Variants in RNF13 observed in about 807,000 individuals in gnomAD.
RNF13 encodes the protein ring finger protein 13, also known as E3 ubiquitin-protein ligase RNF13.
Under a neutral mutation model 37.7 loss-of-function variants are expected in RNF13, and 19 were observed. That is an observed-to-expected ratio of 0.50 (90% CI 0.35 to 0.74). The LOEUF (loss-of-function observed/expected upper bound fraction) is 0.74. Among genes scored for constraint, RNF13 ranks in the 30% least tolerant of loss-of-function variants. The pLI is 0.01. For missense variants in RNF13, 375 were observed against 453.0 expected (o/e 0.83, Z 1.56); for synonymous variants, 144 against 157.8 (o/e 0.91, Z 0.65).
intron 8 of RNF13, among the ~76,000 whole-genome samples, chr3:149,935,414 G>A (rs192984528): frequency 7.2e-4 from 110 of 152,000 alleles, no homozygotes; most frequent in Non-Finnish European, 1.3e-3. Context: ...TCATTTTGTT[G>A]TTTGTTTTCT....
intron 1 of RNF13, among the ~76,000 whole-genome samples, chr3:149,835,755 A>G (rs566446168): frequency 1.2e-4 from 18 of 151,070 alleles, no homozygotes; most frequent in African/African-American, 4.1e-4. Context: ...TATTTTTGCA[A>G]TTGTGAATTG....
At chr3:149,831,997 C>T (rs569219887) in intron 1 of RNF13, among the ~76,000 whole-genome samples, 2 of 151,972 alleles carry the variant, frequency 1.3e-5, no homozygotes, top group Non-Finnish European at 2.9e-5. Flanking sequence ...GTGTGACTGG[C>T]TATTATAAAT....
intron 1 of RNF13, among the ~76,000 whole-genome samples, chr3:149,833,018 T>C (rs1254881905): frequency 6.6e-6 from 1 of 151,900 alleles, no homozygotes; most frequent in East Asian, 1.9e-4. Flanking sequence ...CCTCCTAACT[T>C]ATTCTAAGGG....
At chr3:149,851,303 G>T (rs1268097804) in intron 2 of RNF13, 2 of 152,214 alleles carry the variant, frequency 1.3e-5, no homozygotes, top group African/African-American at 4.8e-5. Context: ...CAGATGAAAG[G>T]TGTCTAGATC....
At chr3:149,848,049 A>G (rs572004228) in intron 2 of RNF13, among the ~76,000 whole-genome samples, 3 of 152,180 alleles carry the variant, frequency 2.0e-5, no homozygotes, top group Non-Finnish European at 4.4e-5. Context: ...GTGGTGATTA[A>G]ATAAGATAAA....
intron 1 of RNF13, among the ~76,000 whole-genome samples, chr3:149,842,000 A>G (rs1169464741): frequency 6.6e-6 from 1 of 152,056 alleles, no homozygotes; most frequent in Non-Finnish European, 1.5e-5. Context: ...CTGTTGACCA[A>G]TGCCTTACTT....
intron 8 of RNF13, among the ~76,000 whole-genome samples, chr3:149,940,403 T>C (rs944057073): frequency 6.6e-6 from 1 of 152,210 alleles, no homozygotes; most frequent in Non-Finnish European, 1.5e-5. Context: ...TAATTGAATA[T>C]ATTATTGCTG....
intron 2 of RNF13, among the ~76,000 whole-genome samples, chr3:149,849,388 G>A (rs1315883158): frequency 6.6e-6 from 1 of 152,196 alleles, no homozygotes; most frequent in African/African-American, 2.4e-5. Context: ...CCAGTGTGCT[G>A]TGTAGCAAAG....
chr3:149,924,430 A>G (rs2108543771), intron 8 of RNF13, among the ~76,000 whole-genome samples: 1 of 152,318 alleles, frequency 6.6e-6, no homozygotes, highest in South Asian at 2.1e-4. Flanking sequence ...GCATTCCATC[A>G]TTCAGTAGAA....
chr3:149,867,358 C>T (rs1018672681), intron 3 of RNF13, among the ~76,000 whole-genome samples: 1,692 of 150,482 alleles, frequency 0.011, 13 homozygotes, highest in Non-Finnish European at 0.017. Flanking sequence ...CTCCGCCTCC[C>T]GGGTTCACAC....
chr3:149,894,285 T>C (rs1375678959), intron 4 of RNF13, among the ~76,000 whole-genome samples: 1 of 152,206 alleles, frequency 6.6e-6, no homozygotes, highest in Non-Finnish European at 1.5e-5. Context: ...ATAATTTTTC[T>C]CTGTGCCAAG....
Position 149,846,043 on chromosome 3 carries a change from G to A in RNF13, c.17G>A (p.Gly6Glu), listed in dbSNP as rs1268560567. ...TACAACGAGATGCTGCTCTCCATAGGGATGCTCATGCTGTCAGCCACACAA... is the reference window on the plus strand; with the variant it reads ...TACAACGAGATGCTGCTCTCCATAGAGATGCTCATGCTGTCAGCCACACAA... MLLSI[G>E]MLMLSATQVY... The change falls in exon 2 of 10, where the codon GGG becomes GAG. Residue 6 changes from glycine to glutamate, a missense_variant. Gly to Glu is a moderately conservative substitution (Grantham distance 98, BLOSUM62 -2). Coordinates refer to ENST00000392894, the MANE Select transcript of RNF13 (RefSeq NM_183381.3). The A allele has an allele frequency of 1.2e-6, 2 of 1,610,672 alleles. No homozygotes were observed. Among genetic ancestry groups the A allele is most frequent in the Non-Finnish European group, 1.7e-6 (2 of 1,178,988 alleles).
chr3:149,854,064 G>A (rs1328293976), intron 3 of RNF13, among the ~76,000 whole-genome samples: 2 of 151,738 alleles, frequency 1.3e-5, no homozygotes, highest in African/African-American at 4.8e-5. Context: ...TTGAACTCCT[G>A]GGCTCAAGTG....
intron 4 of RNF13, among the ~76,000 whole-genome samples, chr3:149,893,091 A>T (rs1714884235): frequency 6.6e-6 from 1 of 152,144 alleles, no homozygotes; most frequent in Admixed American, 6.5e-5. Flanking sequence ...TTCCTTAAGG[A>T]TAATGACTTT....
At chr3:149,866,266 G>A (rs1724810136) in intron 3 of RNF13, among the ~76,000 whole-genome samples, 1 of 152,182 alleles carries the variant, frequency 6.6e-6, no homozygotes, top group Non-Finnish European at 1.5e-5. Context: ...AGACAGAACA[G>A]CCTGGAGGGC....
At chr3:149,900,340 T>C (rs960596116) in intron 5 of RNF13, among the ~76,000 whole-genome samples, 2 of 152,164 alleles carry the variant, frequency 1.3e-5, no homozygotes. Flanking sequence ...AACTCATATG[T>C]GGTAGAGAAA....
At chr3:149,858,045 G>A (rs1453747811) in intron 3 of RNF13, among the ~76,000 whole-genome samples, 2 of 152,084 alleles carry the variant, frequency 1.3e-5, no homozygotes, top group Non-Finnish European at 2.9e-5. Context: ...CTCAAGAGTG[G>A]GTTGTTATAA....
intron 8 of RNF13, among the ~76,000 whole-genome samples, chr3:149,937,182 A>G (rs560354484): frequency 5.3e-4 from 80 of 152,194 alleles, no homozygotes; most frequent in African/African-American, 1.9e-3. Context: ...ACGTTTGTCC[A>G]TAGCTGTCTT....
chr3:149,863,578 C>T lies in RNF13; in HGVS notation c.196-8451C>T, dbSNP rs762078042. Among the ~76,000 whole-genome samples the T allele has an allele frequency of 3.3e-5, 5 of 152,048 alleles. 1 individual carries two copies. Among genetic ancestry groups the T allele is most frequent in the Admixed American group, 3.3e-4 (5 of 15,272 alleles). ...TATTTTTAGTAGAGACAGGGTTTCA[C>T]CATATTGGCTAGGCTGGTCTTGAAC... On this transcript the variant is annotated intron_variant, in intron 3 of 9. Coordinates refer to ENST00000392894, the MANE Select transcript of RNF13 (RefSeq NM_183381.3).
Sources: gnomAD v4.1 joint callset for allele counts (sites outside exome capture counted in the v4.1 genomes callset) on GRCh38, gnomAD v4.1.1 for gene constraint, MANE v1.5 for transcripts, NCBI Gene and HGNC (gene_info 2026-07-23, HGNC 2026-07-21) for gene names.